Variants in AP5Z1 observed in about 807,000 individuals in gnomAD.
The protein encoded by AP5Z1 is adaptor related protein complex 5 subunit zeta 1.
AP5Z1 carries 106 observed loss-of-function variants against 83.0 expected under a neutral mutation model. That is an observed-to-expected ratio of 1.28 (90% CI 1.09 to 1.50). The LOEUF (loss-of-function observed/expected upper bound fraction) is 1.50. AP5Z1 is among the 40% of genes most tolerant of loss of function. AP5Z1 has a pLI of 0.00. For missense variants in AP5Z1, 1,565 were observed against 1,094.2 expected (o/e 1.43, Z -6.07); for synonymous variants, 751 against 514.1 (o/e 1.46, Z -6.23).
chr7:4,784,896 C>T lies in AP5Z1; in HGVS notation c.791-12C>T. On this transcript the variant is annotated splice_polypyrimidine_tract_variant and intron_variant, in intron 6 of 16. Coordinates refer to ENST00000649063, the MANE Select transcript of AP5Z1 (RefSeq NM_014855.3). ...CACACGTCAGCCTGCTGAGAGTTCC[C>T]ACCTCCCGCAGATGACAGGTCAGAG... is the stretch of plus-strand genomic sequence containing the variant. 6.2e-7 allele frequency: 1 copy of T among 1,605,004 alleles called. No homozygotes were observed. The highest frequency in any genetic ancestry group is 8.5e-7 in the Non-Finnish European group (1 of 1,174,426).
intron 11 of AP5Z1, 48 bp from the exon 12 acceptor site, chr7:4,788,100 CCCTTGA>C: frequency 4.8e-6 from 7 of 1,467,144 alleles, no homozygotes; most frequent in Non-Finnish European, 3.6e-6. Flanking sequence ...GACGGGGGTG[CCCTTGA>C]GTGCAGGGGC....
At chr7:4,789,447 C>T (rs957852085) in intron 13 of AP5Z1, among the ~76,000 whole-genome samples, 1 of 152,246 alleles carries the variant, frequency 6.6e-6, no homozygotes, top group African/African-American at 2.4e-5. Flanking sequence ...CCATCTCCCC[C>T]ATTGCTGCTT....
At position 4,791,284 on chromosome 7, in the gene AP5Z1, T is replaced by C; in HGVS notation, c.2323T>C (p.Cys775Arg). 2 of 1,612,570 alleles carry C rather than the reference T, an allele frequency of 1.2e-6. No homozygotes were observed. The highest frequency in any genetic ancestry group is 1.7e-6 in the Non-Finnish European group (2 of 1,179,826). ...TGTGCTCACACCCAGCACGGAGGTG[T>C]GCAGCCCCCGCTATCACCGCGATGC... ...QFVLTPSTEV[C>R]SPRYHRDANT... The change falls in exon 17 of 17, where the codon TGC (cysteine) becomes CGC (arginine). Residue 775 changes from cysteine (C) to arginine (R), a missense_variant. Physicochemically the swap from Cys to Arg is radical, Grantham distance 180. Coordinates refer to ENST00000649063, the MANE Select transcript of AP5Z1 (RefSeq NM_014855.3).
intron 9 of AP5Z1, 30 bp downstream of exon 9, chr7:4,785,714 GGGGCTCTGCTTCT>G: frequency 6.9e-7 from 1 of 1,441,934 alleles, no homozygotes; most frequent in Non-Finnish European, 9.1e-7. Flanking sequence ...GCGCTGACTC[GGGGCTCTGCTTCT>G]GCCTTTAGTT....
chr7:4,791,021 A>T (rs1781750600), intron 16 of AP5Z1, 94 bp from the exon 17 acceptor site: 3 of 1,469,626 alleles, frequency 2.0e-6, no homozygotes. Context: ...AGCTAAAGCC[A>T]CTCTGCTGGG....
chr7:4,790,427 C>T, intron 14 of AP5Z1, 32 bp from the exon 15 acceptor site: 2 of 1,612,648 alleles, frequency 1.2e-6, no homozygotes, highest in Non-Finnish European at 1.7e-6. Context: ...TAGGTCTGCA[C>T]AGAGCAGGCG....
rs374928584 is a variant in AP5Z1, at chr7:4,788,918, G to A, written c.1674G>A (p.Thr558=). ...CCCAGTGTGCCCAGGCCGTGCCCACGCTGCTGCAGGCATTCTTCTCAGCAG... is the reference window on the plus strand; with the variant it reads ...CCCAGTGTGCCCAGGCCGTGCCCACACTGCTGCAGGCATTCTTCTCAGCAG... ...RVAQCAQAVP[T]LLQAFFSAVT... The change falls in exon 13 of 17, where the codon ACG becomes ACA. Residue 558 remains threonine (T), a synonymous_variant. Transcript: ENST00000649063. The A allele has an allele frequency of 1.8e-5, 29 of 1,611,204 alleles. No homozygotes were observed. Among genetic ancestry groups the A allele is most frequent in the Middle Eastern group, 1.6e-4 (1 of 6,078 alleles).
chr7:4,783,347 G>T lies in AP5Z1; in HGVS notation c.398G>T (p.Gly133Val). 6.2e-7 allele frequency: 1 copy of T among 1,612,592 alleles called. No homozygotes were observed. Among genetic ancestry groups the T allele is most frequent in the Non-Finnish European group, 8.5e-7 (1 of 1,179,600 alleles). ...AGAAACGAGGAGGTCAGAGCCGTGGGCCAGGGCGTGCTACGAGCGCTGGAG... is the reference window on the plus strand; with the variant it reads ...AGAAACGAGGAGGTCAGAGCCGTGGTCCAGGGCGTGCTACGAGCGCTGGAG... ...GDRNEEVRAVGQGVLRALESR... is the reference protein window; with the variant it reads ...GDRNEEVRAVVQGVLRALESR... Residue 133 changes from glycine (G) to valine (V), a missense_variant, in exon 4 of 17, where the codon GGC becomes GTC. Gly to Val is a moderately radical substitution (Grantham distance 109, BLOSUM62 -3). Coordinates refer to ENST00000649063, the MANE Select transcript of AP5Z1 (RefSeq NM_014855.3).
In AP5Z1 at chr7:4,781,259, C is replaced by T. The variant is rs146682319; in HGVS notation, c.126C>T (p.Leu42=). 914 of 1,613,848 alleles carry T rather than the reference C, an allele frequency of 5.7e-4. 4 individuals carry two copies. The African/African-American group carries it at 1.0e-2, about 18-fold the overall frequency. Residue 42 remains leucine (L), a synonymous_variant, in exon 2 of 17, where the codon CTC becomes CTT. Coordinates refer to ENST00000649063, the MANE Select transcript of AP5Z1 (RefSeq NM_014855.3). ...CGGAGGACTTGGGGCCGGACACCCT[C>T]GACTCCCTGCAGAGGCTCTTCCTCA... is the stretch of plus-strand genomic sequence containing the variant. ...LQAEDLGPDT[L]DSLQRLFLII...
intron 1 of AP5Z1, among the ~76,000 whole-genome samples, chr7:4,778,967 G>T (rs1781297033): frequency 6.8e-6 from 1 of 146,646 alleles, no homozygotes; most frequent in Admixed American, 6.9e-5. Flanking sequence ...AGAAGATCAG[G>T]CTGCAGTGAG....
rs776121164 is a variant in AP5Z1, at chr7:4,790,890, G to A, written c.2153+3G>A. 1 of 1,597,012 alleles carries A rather than the reference G, an allele frequency of 6.3e-7. No homozygotes were observed. Among genetic ancestry groups the A allele is most frequent in the East Asian group, 2.3e-5 (1 of 44,130 alleles). On this transcript the variant is annotated splice_donor_region_variant and intron_variant, in intron 16 of 16. Coordinates refer to ENST00000649063, the MANE Select transcript of AP5Z1 (RefSeq NM_014855.3). ...CGGAGCCAAGATCTGATCCCCAGGT[G>A]CCTGGTCAGGGAGGGAGCGAAGCCT...
rs1781805209 is a variant in AP5Z1 at position 4,792,303 on chromosome 7, T to G, written c.*918T>G. 1 of 132,364 alleles carries G rather than the reference T, an allele frequency of 7.6e-6. No homozygotes were observed. Among genetic ancestry groups the G allele is most frequent in the African/African-American group, 2.9e-5 (1 of 34,382 alleles). 8.2% of individuals were successfully genotyped at this position (132,364 alleles called of 1,614,324 possible). On this transcript the variant is annotated 3_prime_UTR_variant, in exon 17 of 17. Coordinates refer to ENST00000649063, the MANE Select transcript of AP5Z1 (RefSeq NM_014855.3). ...TCACGCCCCGCCCCCAGGCTCAAAC[T>G]CTTCCCCCTCCCCACTCTGGCTCCG...
At position 4,775,685 on chromosome 7, in the gene AP5Z1, A is replaced by T. The variant is rs1781205000; in HGVS notation, c.-31A>T. 2.5e-6 allele frequency: 4 copies of T among 1,606,062 alleles called. No individual in the cohort carries two copies. Among genetic ancestry groups the T allele is most frequent in the Non-Finnish European group, 3.4e-6 (4 of 1,179,568 alleles). On this transcript the variant is annotated 5_prime_UTR_variant, in exon 1 of 17. Coordinates refer to ENST00000649063, the MANE Select transcript of AP5Z1 (RefSeq NM_014855.3). The stretch of plus-strand genomic sequence containing the variant: ...TGGGCTGCAGCTCCTGGAGTTTCCG[A>T]GGTTCGTGCGCGTCTGGTGGCGGCG...
intron 12 of AP5Z1, 48 bp from the exon 13 acceptor site, chr7:4,788,792 C>A (rs1158826507): frequency 7.4e-6 from 11 of 1,490,972 alleles, no homozygotes; most frequent in South Asian, 2.6e-5. Flanking sequence ...GGCCTGCAGT[C>A]ACCAGGTCGG....
chr7:4,788,780 C>G, intron 12 of AP5Z1, 60 bp from the exon 13 acceptor site: 1 of 1,435,416 alleles, frequency 7.0e-7, no homozygotes, highest in Non-Finnish European at 9.3e-7. Flanking sequence ...CGACGTGGCC[C>G]CGGCCTGCAG....
intron 10 of AP5Z1, 59 bp downstream of exon 10, chr7:4,786,487 C>A (rs1470381156): frequency 1.3e-6 from 2 of 1,588,366 alleles, no homozygotes; most frequent in Admixed American, 1.7e-5. Flanking sequence ...TGGGGCTCCT[C>A]CCCTCTTTCC....
At chr7:4,778,216 C>A (rs1258660265) in intron 1 of AP5Z1, among the ~76,000 whole-genome samples, 1 of 152,178 alleles carries the variant, frequency 6.6e-6, no homozygotes. Context: ...CAGAGGGAGA[C>A]CCTGTCTCCA....
rs1781470481 is a variant in AP5Z1, at chr7:4,784,291, G to A, written c.710G>A (p.Trp237Ter). 4 of 1,602,608 alleles carry A rather than the reference G, an allele frequency of 2.5e-6. No homozygotes were observed. Among genetic ancestry groups the A allele is most frequent in the South Asian group, 1.1e-5 (1 of 89,034 alleles). Residue 237 changes from tryptophan (W) to a stop codon, truncating the protein, a stop_gained, in exon 6 of 17, where the codon TGG becomes TAG. Coordinates refer to ENST00000649063, the MANE Select transcript of AP5Z1 (RefSeq NM_014855.3). LOFTEE classifies it high-confidence loss of function. ...GGCCACCGCTTCACAGACGACCAGT[G>A]GCTGAACGTGCAGGCCTTCTCTATG... Reference protein sequence around the residue: ...SSGHRFTDDQWLNVQAFSMLR... With the variant: ...SSGHRFTDDQ
At chr7:4,788,720 G>A (rs1781641789) in intron 12 of AP5Z1, 120 bp from the exon 13 acceptor site, 3 of 869,532 alleles carry the variant, frequency 3.5e-6, no homozygotes, top group Non-Finnish European at 5.1e-6. Flanking sequence ...GTCCCGAGAG[G>A]CGATGAGTGA....
Sources: gnomAD v4.1 joint callset for allele counts (sites outside exome capture counted in the v4.1 genomes callset) on GRCh38, gnomAD v4.1.1 for gene constraint, MANE v1.5 for transcripts, NCBI Gene and HGNC (gene_info 2026-07-23, HGNC 2026-07-21) for gene names.